The following CDYL2 variants were observed in gnomAD, a reference collection of about 807,000 sequenced individuals.
The protein encoded by CDYL2 is chromodomain Y-like protein 2.
CDYL2 carries 23 observed loss-of-function variants against 49.4 expected under a neutral mutation model. That is an observed-to-expected ratio of 0.47 (90% CI 0.34 to 0.66). The LOEUF (loss-of-function observed/expected upper bound fraction) is 0.66, where lower values mean the gene tolerates loss of function less well. Ranked by LOEUF, CDYL2 falls within the 30% of genes least tolerant of loss-of-function variation. The pLI is 0.01. For missense variants in CDYL2, 678 were observed against 656.4 expected, an observed-to-expected ratio of 1.03 and a Z score of -0.36; for synonymous variants, 360 against 268.8, an observed-to-expected ratio of 1.34 and a Z score of -3.32.
intron 1 of CDYL2, among the ~76,000 whole-genome samples, chr16:80,780,490 C>T (rs868709208): frequency 5.3e-5 from 8 of 150,394 alleles, no homozygotes; most frequent in Admixed American, 6.6e-5. Flanking sequence ...CTGCAAGCTC[C>T]GCCTCCCAGG....
intron 1 of CDYL2, among the ~76,000 whole-genome samples, chr16:80,770,487 T>C (rs1260812669): frequency 1.3e-5 from 2 of 151,980 alleles, no homozygotes; most frequent in African/African-American, 4.8e-5. Context: ...AAGAAAAAAA[T>C]ACATTTTCTA....
intron 1 of CDYL2, among the ~76,000 whole-genome samples, chr16:80,776,576 A>G (rs1472516973): frequency 1.3e-5 from 2 of 150,364 alleles, no homozygotes; most frequent in Non-Finnish European, 3.0e-5. Flanking sequence ...TATATTATAT[A>G]CTGTAATTTT....
At chr16:80,769,599 G>C (rs372649476) in intron 1 of CDYL2, among the ~76,000 whole-genome samples, 1 of 152,110 alleles carries the variant, frequency 6.6e-6, no homozygotes, top group African/African-American at 2.4e-5. Context: ...GTAAGCTTCT[G>C]GTCATGTCAA....
chr16:80,801,118 A>G (rs1339693065), intron 1 of CDYL2, among the ~76,000 whole-genome samples: 1 of 152,232 alleles, frequency 6.6e-6, no homozygotes, highest in Non-Finnish European at 1.5e-5. Flanking sequence ...TTAGCCGAAT[A>G]TAGACCAGGG....
At chr16:80,708,278 C>T (rs1904473112) in intron 1 of CDYL2, among the ~76,000 whole-genome samples, 1 of 152,180 alleles carries the variant, frequency 6.6e-6, no homozygotes, top group South Asian at 2.1e-4. Flanking sequence ...ATAACTGAAT[C>T]ACGGGGGTGG....
intron 2 of CDYL2, among the ~76,000 whole-genome samples, chr16:80,665,637 A>G (rs761911738): frequency 1.4e-4 from 21 of 152,034 alleles, no homozygotes; most frequent in African/African-American, 2.2e-4. Flanking sequence ...CTCAGGACAG[A>G]CCCTCTTTCT....
At chr16:80,637,633 ATG>A (rs1192761626) in intron 2 of CDYL2, among the ~76,000 whole-genome samples, 2 of 151,988 alleles carry the variant, frequency 1.3e-5, no homozygotes, top group Non-Finnish European at 2.9e-5. Context: ...CATACCAGCA[ATG>A]AGCAACTGGA....
At chr16:80,643,323 G>T (rs558445466) in intron 2 of CDYL2, among the ~76,000 whole-genome samples, 1 of 152,232 alleles carries the variant, frequency 6.6e-6, no homozygotes, top group East Asian at 1.9e-4. Context: ...GCTTTGCAGG[G>T]TTCAGCCTCT....
intron 1 of CDYL2, among the ~76,000 whole-genome samples, chr16:80,788,494 T>C (rs1410193001): frequency 2.0e-5 from 3 of 152,254 alleles, no homozygotes; most frequent in Non-Finnish European, 4.4e-5. Context: ...ATTTTCTTTT[T>C]CCTTTTCTTG....
At chr16:80,607,613 T>G (rs150826313) in intron 6 of CDYL2, among the ~76,000 whole-genome samples, 22 of 152,330 alleles carry the variant, frequency 1.4e-4, no homozygotes, top group Non-Finnish European at 8.8e-5. Context: ...TGTTATTTGT[T>G]TATGTATTTT....
rs554298801 is a variant in CDYL2 at position 80,729,955 on chromosome 16, G to T, written c.25-44826C>A. ...TCTCTGGGACGCATTCAAAGCAGTG[G>T]GTAGAGGGAAATTTATAGCACTAAA... is the stretch of plus-strand genomic sequence containing the variant. On this transcript the variant is annotated intron_variant, in intron 1 of 6. Transcript: ENST00000570137. 9.1e-3 allele frequency among the ~76,000 whole-genome samples: 1,384 copies of T among 151,896 alleles called. 25 individuals carry two copies. The highest frequency in any genetic ancestry group is 0.031 in the African/African-American group (1,288 of 41,368).
intron 2 of CDYL2, among the ~76,000 whole-genome samples, chr16:80,683,632 GC>G (rs1910057496): frequency 6.6e-6 from 1 of 152,204 alleles, no homozygotes; most frequent in South Asian, 2.1e-4. Flanking sequence ...TTTATGTTCT[GC>G]CAAATTTCAT....
chr16:80,684,646 A>G lies in CDYL2; in HGVS notation c.508T>C (p.Phe170Leu). The change falls in exon 2 of 7, where the codon TTT becomes CTT. Residue 170 changes from phenylalanine (F) to leucine (L), a missense_variant. By Grantham distance (22) the Phe-to-Leu change is conservative (BLOSUM62 0). Coordinates refer to ENST00000570137, the MANE Select transcript of CDYL2 (RefSeq NM_152342.4). ...DAGSEKDERH[F>L]GNGSHQPGLD... ...CCAGGCTGATGGGACCCATTTCCAA[A>G]GTGCCTCTCATCCTTCTCAGAGCCG... 1 of 1,614,188 alleles carries G rather than the reference A, an allele frequency of 6.2e-7. No homozygotes were observed. The highest frequency in any genetic ancestry group is 8.5e-7 in the Non-Finnish European group (1 of 1,180,032).
At chr16:80,718,526 C>T (rs1904887861) in intron 1 of CDYL2, among the ~76,000 whole-genome samples, 1 of 152,188 alleles carries the variant, frequency 6.6e-6, no homozygotes, top group Non-Finnish European at 1.5e-5. Context: ...CTAAGATCTG[C>T]ATCACCTGGC....
In CDYL2 at chr16:80,601,563, G is replaced by C. The variant is rs1906085732; in HGVS notation, c.*2825C>G. The C allele has an allele frequency of 6.6e-6, 1 of 152,176 alleles. No individual in the cohort carries two copies. Among genetic ancestry groups the C allele is most frequent in the Non-Finnish European group, 1.5e-5 (1 of 68,052 alleles). 9.4% of individuals were successfully genotyped at this position (152,176 alleles called of 1,614,324 possible). A position where few individuals can be genotyped will look rare whatever the true frequency, so the allele number is the denominator to read the frequency against. ...TGGAAGATCAAAAATGAAAGTCTGA[G>C]CTCTGTCTCAGGAAAGCTATTAGGA... On this transcript the variant is annotated 3_prime_UTR_variant, in exon 7 of 7. Coordinates refer to ENST00000570137, the MANE Select transcript of CDYL2 (RefSeq NM_152342.4).
intron 2 of CDYL2, among the ~76,000 whole-genome samples, chr16:80,663,763 T>C (rs917256129): frequency 6.6e-6 from 1 of 152,306 alleles, no homozygotes; most frequent in Admixed American, 6.5e-5. Context: ...CAGCTAATTT[T>C]TGTATTTCTA....
intron 1 of CDYL2, among the ~76,000 whole-genome samples, chr16:80,755,029 G>C (rs28430636): frequency 0.035 from 5,331 of 152,228 alleles, 317 homozygotes; most frequent in African/African-American, 0.12. Flanking sequence ...GCAGGTGCTT[G>C]GGAGCCAAAT....
At chr16:80,778,784 A>G (rs2142402666) in intron 1 of CDYL2, among the ~76,000 whole-genome samples, 1 of 152,112 alleles carries the variant, frequency 6.6e-6, no homozygotes, top group East Asian at 1.9e-4. Flanking sequence ...AAAGCACAAT[A>G]ATGGAAATTG....
intron 1 of CDYL2, among the ~76,000 whole-genome samples, chr16:80,771,234 G>A (rs906889781): frequency 2.0e-5 from 3 of 152,050 alleles, no homozygotes; most frequent in African/African-American, 7.3e-5. Flanking sequence ...TCTTCCAAAT[G>A]CAATGTCAAG....
Sources: gnomAD v4.1 joint callset for allele counts (sites outside exome capture counted in the v4.1 genomes callset) on GRCh38, gnomAD v4.1.1 for gene constraint, MANE v1.5 for transcripts, NCBI Gene and HGNC (gene_info 2026-07-23, HGNC 2026-07-21) for gene names.